The following CNIH3 variants were observed in gnomAD, a reference collection of about 807,000 sequenced individuals.
The protein encoded by CNIH3 is protein cornichon homolog 3.
In CNIH3, 14 loss-of-function variants were observed where a neutral mutation model predicts 24.1. The ratio of observed to expected loss-of-function variants is 0.58; its 90% CI spans 0.38 to 0.91. The LOEUF is 0.91. Ranked by LOEUF, CNIH3 falls within the 40% of genes least tolerant of loss-of-function variation. The pLI is 0.00. For missense variants in CNIH3, 178 were observed against 196.8 expected (o/e 0.90, Z 0.57); for synonymous variants, 68 against 73.8 (o/e 0.92, Z 0.40).
intron 3 of CNIH3, among the ~76,000 whole-genome samples, chr1:224,719,953 A>G (rs1206813182): frequency 2.6e-5 from 4 of 152,220 alleles, no homozygotes; most frequent in African/African-American, 9.6e-5. Flanking sequence ...ATGTGCTCGA[A>G]TTCAGACAAC....
chr1:224,727,632 G>A (rs1689105117), intron 3 of CNIH3, among the ~76,000 whole-genome samples: 1 of 152,132 alleles, frequency 6.6e-6, no homozygotes, highest in Non-Finnish European at 1.5e-5. Flanking sequence ...TGGCTATGGT[G>A]CAGGCCTCAT....
intron 2 of CNIH3, among the ~76,000 whole-genome samples, chr1:224,535,047 A>C (rs1167223967): frequency 3.3e-5 from 5 of 152,256 alleles, no homozygotes; most frequent in Admixed American, 2.6e-4. Context: ...GTCTGCCCCC[A>C]AAAAAGATAT....
intron 3 of CNIH3, among the ~76,000 whole-genome samples, chr1:224,690,374 T>C (rs552899225): frequency 2.0e-4 from 31 of 152,104 alleles, no homozygotes; most frequent in Non-Finnish European, 4.1e-4. Context: ...CTAATTTTTG[T>C]ATTTTTAGTA....
chr1:224,616,844 G>A lies in CNIH3; in HGVS notation c.-331G>A. ...AGTCGTCGCATCGCTTGTCGTGTTG[G>A]TCTCGAGGGGCTCACAGCTTGGCAC... On this transcript the variant is annotated 5_prime_UTR_variant, in exon 1 of 6. Transcript: ENST00000272133. 1.2e-5 allele frequency: 14 copies of A among 1,139,756 alleles called. No individual in the cohort carries two copies. In the South Asian group the frequency reaches 1.4e-4, roughly 11 times the overall value. 70.6% of individuals were successfully genotyped at this position (1,139,756 alleles called of 1,614,324 possible). A position where few individuals can be genotyped will look rare whatever the true frequency, so the allele number is the denominator to read the frequency against.
chr1:224,576,587 C>A (rs966971191), intron 4 of CNIH3, among the ~76,000 whole-genome samples: 3 of 152,194 alleles, frequency 2.0e-5, no homozygotes, highest in African/African-American at 7.2e-5. Context: ...GGTTAGTTAA[C>A]ATTCAGTGTT....
chr1:224,480,268 G>A (rs989359448), intron 1 of CNIH3, among the ~76,000 whole-genome samples: 1 of 152,138 alleles, frequency 6.6e-6, no homozygotes, highest in African/African-American at 2.4e-5. Flanking sequence ...TCCCTAGACC[G>A]CACACAGCAC....
intron 1 of CNIH3, among the ~76,000 whole-genome samples, chr1:224,670,365 G>A (rs1685805419): frequency 6.6e-6 from 1 of 152,170 alleles, no homozygotes; most frequent in South Asian, 2.1e-4. Flanking sequence ...TCATTTTCCT[G>A]ACCAGCGGCT....
At chr1:224,635,409 T>C (rs928324100) in intron 1 of CNIH3, among the ~76,000 whole-genome samples, 1 of 152,196 alleles carries the variant, frequency 6.6e-6, no homozygotes, top group African/African-American at 2.4e-5. Flanking sequence ...GGCACCTCTG[T>C]TAAAATGAGT....
At chr1:224,500,288 C>G (rs1677601590) in intron 1 of CNIH3, among the ~76,000 whole-genome samples, 1 of 152,124 alleles carries the variant, frequency 6.6e-6, no homozygotes, top group South Asian at 2.1e-4. Context: ...GCTGTGATTA[C>G]AAACTGAGCC....
At chr1:224,489,955 A>G (rs1243667304) in intron 1 of CNIH3, among the ~76,000 whole-genome samples, 1 of 152,200 alleles carries the variant, frequency 6.6e-6, no homozygotes, top group Non-Finnish European at 1.5e-5. Context: ...CACACTAGGG[A>G]TTAAGTTTTC....
intron 1 of CNIH3, among the ~76,000 whole-genome samples, chr1:224,652,445 A>T (rs773865706): frequency 3.9e-5 from 6 of 152,186 alleles, no homozygotes; most frequent in Non-Finnish European, 8.8e-5. Flanking sequence ...TGGTTGGCAG[A>T]AGTGTCCGTT....
chr1:224,555,539 A>C (rs763864954), intron 3 of CNIH3, among the ~76,000 whole-genome samples: 5 of 152,248 alleles, frequency 3.3e-5, no homozygotes, highest in Admixed American at 6.5e-5. Context: ...TGCCTTTGAA[A>C]TGATCAGGCT....
intron 1 of CNIH3, among the ~76,000 whole-genome samples, chr1:224,507,158 C>T (rs1677954322): frequency 6.6e-6 from 1 of 152,230 alleles, no homozygotes; most frequent in African/African-American, 2.4e-5. Flanking sequence ...AGCCACCATG[C>T]CCAGCCACCA....
intron 5 of CNIH3, among the ~76,000 whole-genome samples, chr1:224,737,949 T>C (rs757638977): frequency 1.3e-5 from 2 of 152,214 alleles, no homozygotes; most frequent in Non-Finnish European, 1.5e-5. Flanking sequence ...GTCTGCTCTG[T>C]AGAAAGATTT....
intron 3 of CNIH3, among the ~76,000 whole-genome samples, chr1:224,594,136 G>A (rs1681877160): frequency 6.6e-6 from 1 of 152,198 alleles, no homozygotes; most frequent in African/African-American, 2.4e-5. Context: ...ACTTAAAAAG[G>A]TAAATTTTAT....
chr1:224,700,675 C>T (rs1687437412), intron 3 of CNIH3, among the ~76,000 whole-genome samples: 1 of 152,202 alleles, frequency 6.6e-6, no homozygotes, highest in East Asian at 1.9e-4. Context: ...TGAATACTTT[C>T]TCCCATCATT....
intron 1 of CNIH3, among the ~76,000 whole-genome samples, chr1:224,654,951 C>T (rs1022609277): frequency 2.0e-5 from 3 of 152,076 alleles, no homozygotes; most frequent in Admixed American, 2.0e-4. Flanking sequence ...CTCTCTTTGG[C>T]TCGTGTATCT....
chr1:224,665,884 C>T (rs1486071762), intron 1 of CNIH3, among the ~76,000 whole-genome samples: 1 of 150,012 alleles, frequency 6.7e-6, no homozygotes, highest in Non-Finnish European at 1.5e-5. Flanking sequence ...GCCTAGTGTG[C>T]TAGGGATGCT....
downstream of CNIH3, among the ~76,000 whole-genome samples, chr1:224,542,015 C>T (rs1404053360): frequency 1.3e-5 from 2 of 152,168 alleles, no homozygotes; most frequent in Non-Finnish European, 2.9e-5. Context: ...TTTCTTCACA[C>T]GTTGAAACTT....
Sources: gnomAD v4.1 joint callset for allele counts (sites outside exome capture counted in the v4.1 genomes callset) on GRCh38, gnomAD v4.1.1 for gene constraint, MANE v1.5 for transcripts, NCBI Gene and HGNC (gene_info 2026-07-23, HGNC 2026-07-21) for gene names.